CFAP20DC: variants seen among roughly 807,000 people sequenced by gnomAD.
CFAP20DC encodes CFAP20 domain containing, also known as protein CFAP20DC.
In CFAP20DC, 84 loss-of-function variants were observed where a neutral mutation model predicts 101.7. The ratio of observed to expected loss-of-function variants is 0.83; its 90% CI spans 0.69 to 0.99. The LOEUF is 0.99. Among genes scored for constraint, CFAP20DC ranks in the 50% least tolerant of loss-of-function variants. CFAP20DC has a pLI of 0.00. For synonymous variants in CFAP20DC, 359 were observed against 351.2 expected, an observed-to-expected ratio of 1.02 and a Z score of -0.25; for missense variants, 1,007 against 970.3, an observed-to-expected ratio of 1.04 and a Z score of -0.50.
intron 15 of CFAP20DC, among the ~76,000 whole-genome samples, chr3:58,773,680 T>C (rs7612944): frequency 0.034 from 5,255 of 152,334 alleles, 129 homozygotes; most frequent in Non-Finnish European, 0.055. Context: ...AACAGTTACT[T>C]TATCTAATGC....
chr3:59,025,871 T>C (rs1279317423), intron 4 of CFAP20DC, among the ~76,000 whole-genome samples: 2 of 152,156 alleles, frequency 1.3e-5, no homozygotes, highest in African/African-American at 4.8e-5. Context: ...TGAACATGCA[T>C]CTAGTTTGTT....
chr3:58,953,649 A>C (rs1394480094), intron 4 of CFAP20DC: 1 of 152,192 alleles, frequency 6.6e-6, no homozygotes, highest in Non-Finnish European at 1.5e-5. Flanking sequence ...AAAAATTAAA[A>C]TTAGTCATTC....
At chr3:58,942,654 G>C (rs1019032252) in intron 4 of CFAP20DC, among the ~76,000 whole-genome samples, 2 of 152,178 alleles carry the variant, frequency 1.3e-5, no homozygotes, top group Admixed American at 6.5e-5. Context: ...CAGCTGTTTG[G>C]GCAGACATCG....
intron 4 of CFAP20DC, among the ~76,000 whole-genome samples, chr3:58,950,501 C>T (rs2089976551): frequency 6.6e-6 from 1 of 151,990 alleles, no homozygotes. Flanking sequence ...TGCTACCTGA[C>T]TTCAAACTAC....
At chr3:58,798,959 C>T (rs933236150) in intron 15 of CFAP20DC, among the ~76,000 whole-genome samples, 1 of 152,172 alleles carries the variant, frequency 6.6e-6, no homozygotes, top group Non-Finnish European at 1.5e-5. Flanking sequence ...AGAATAGTAA[C>T]ATAACTTTTA....
downstream of CFAP20DC, among the ~76,000 whole-genome samples, chr3:58,740,177 G>A (rs1390042016): frequency 6.6e-6 from 1 of 152,148 alleles, no homozygotes; most frequent in Non-Finnish European, 1.5e-5. The surrounding 1 kb of genome is among the most constrained non-coding windows in gnomAD (Gnocchi z 4.6). Flanking sequence ...AGAGAAAAGA[G>A]AGAAGAGAGA....
chr3:58,941,331 A>G (rs2088548637), intron 4 of CFAP20DC, among the ~76,000 whole-genome samples: 1 of 148,302 alleles, frequency 6.7e-6, no homozygotes, highest in Non-Finnish European at 1.5e-5. Context: ...CCGTCTCAAA[A>G]AAAAAAAAAA....
In CFAP20DC at chr3:58,912,873, C is replaced by G. The variant is rs1303455204; in HGVS notation, c.550+835G>C. On this transcript the variant is annotated intron_variant, in intron 6 of 16. Transcript: ENST00000482387. The surrounding 1 kb of genome is among the most constrained non-coding windows in gnomAD (Gnocchi z 4.4). The stretch of plus-strand genomic sequence containing the variant: ...ACTAGAAAATTAATATGATTTCTCC[C>G]AAATGACTTCCTGAAATGTACACAG... 1 of 394,580 alleles carries G rather than the reference C, an allele frequency of 2.5e-6. No individual in the cohort carries two copies. The highest frequency in any genetic ancestry group is 5.0e-6 in the Non-Finnish European group (1 of 201,914). 24.4% of individuals were successfully genotyped at this position (394,580 alleles called of 1,614,324 possible).
chr3:58,934,306 G>C (rs1369925725), intron 5 of CFAP20DC, among the ~76,000 whole-genome samples: 1 of 152,116 alleles, frequency 6.6e-6, no homozygotes, highest in Non-Finnish European at 1.5e-5. Flanking sequence ...AAAGAGTCCA[G>C]GACCAGATGG....
chr3:58,792,485 A>T (rs980620871), intron 15 of CFAP20DC, among the ~76,000 whole-genome samples: 1 of 152,140 alleles, frequency 6.6e-6, no homozygotes, highest in African/African-American at 2.4e-5. Context: ...TTATTCTGAA[A>T]ATCCTTGGCA....
intron 7 of CFAP20DC, among the ~76,000 whole-genome samples, chr3:58,884,004 T>C (rs551267403): frequency 1.3e-5 from 2 of 152,200 alleles, no homozygotes; most frequent in East Asian, 3.9e-4. Flanking sequence ...TAAAAAAAAT[T>C]TCAGACAATG....
chr3:58,962,179 T>C (rs755116878), intron 4 of CFAP20DC, among the ~76,000 whole-genome samples: 5 of 152,212 alleles, frequency 3.3e-5, no homozygotes, highest in Admixed American at 6.5e-5. Flanking sequence ...AACCACTACT[T>C]TGGCTACATT....
intron 4 of CFAP20DC, among the ~76,000 whole-genome samples, chr3:58,980,498 T>A (rs922820178): frequency 1.3e-5 from 2 of 152,140 alleles, no homozygotes; most frequent in Non-Finnish European, 2.9e-5. Flanking sequence ...ATCAAAAAGC[T>A]TATCCACCAT....
rs965205073 is a variant in CFAP20DC at position 58,722,518 on chromosome 3, C to G, written c.198-4890G>C. On this transcript the variant is annotated intron_variant, in intron 3 of 3. Transcript: ENST00000486145. This position sits in a 1 kb window ranked among gnomAD's most constrained non-coding sequence, Gnocchi z 4.5. Reference sequence around the variant, plus strand: ...GAACTCAGAGGTTCTGTTTAAAGGACTCTAATTCTCTCTCGTGATGGAGTA... The same window carrying G: ...GAACTCAGAGGTTCTGTTTAAAGGAGTCTAATTCTCTCTCGTGATGGAGTA... 3.3e-5 allele frequency among the ~76,000 whole-genome samples: 5 copies of G among 152,172 alleles called. No homozygotes were observed. Among genetic ancestry groups the G allele is most frequent in the Admixed American group, 1.3e-4 (2 of 15,264 alleles).
chr3:58,769,141 A>G (rs1457880889), intron 15 of CFAP20DC, among the ~76,000 whole-genome samples: 1 of 152,178 alleles, frequency 6.6e-6, no homozygotes, highest in Non-Finnish European at 1.5e-5. Flanking sequence ...CCCTGGGCCG[A>G]ATTTTGCAGT....
At chr3:58,979,901 C>A (rs2092450931) in intron 4 of CFAP20DC, among the ~76,000 whole-genome samples, 1 of 151,332 alleles carries the variant, frequency 6.6e-6, no homozygotes. Flanking sequence ...ATATCCTGGA[C>A]AGCAAATAGG....
chr3:58,982,725 G>T (rs2092610444), intron 4 of CFAP20DC, among the ~76,000 whole-genome samples: 1 of 104,118 alleles, frequency 9.6e-6, no homozygotes, highest in Non-Finnish European at 1.8e-5. Context: ...GGGGAGGGGG[G>T]AGGGATAGCA....
Position 59,007,310 on chromosome 3 carries a change from C to T in CFAP20DC, c.278+32247G>A, listed in dbSNP as rs936667029. Among the ~76,000 whole-genome samples, 3 of 152,140 alleles carry T rather than the reference C, an allele frequency of 2.0e-5. No individual in the cohort carries two copies. Among genetic ancestry groups the T allele is most frequent in the Non-Finnish European group, 1.5e-5 (1 of 68,028 alleles). On this transcript the variant is annotated intron_variant, in intron 4 of 16. Transcript: ENST00000482387. This position sits in a 1 kb window ranked among gnomAD's most constrained non-coding sequence, Gnocchi z 4.4. The stretch of plus-strand genomic sequence containing the variant: ...ACTCTTGGGAGCTTTGTGGCTCTGC[C>T]CATCACCTAAGAAACCAGAATACTT...
rs1682904729 is a variant in CFAP20DC, at chr3:58,899,232, G to A, written c.550+14476C>T. ...TCTAGTAGTGCAGCTGTGCTGCGTT[G>A]TGGGAGACCCTTCCTTGTCCAGGCT... On this transcript the variant is annotated intron_variant, in intron 6 of 16. Transcript: ENST00000482387. The surrounding 1 kb of genome is among the most constrained non-coding windows in gnomAD (Gnocchi z 5.0). 2.0e-5 allele frequency among the ~76,000 whole-genome samples: 3 copies of A among 152,226 alleles called. No individual in the cohort carries two copies. The South Asian group carries it at 6.2e-4, about 31-fold the overall frequency.
Sources: gnomAD v4.1 joint callset for allele counts (sites outside exome capture counted in the v4.1 genomes callset) on GRCh38, gnomAD v4.1.1 for gene constraint, Gnocchi (gnomAD v3.1) non-coding constraint, MANE v1.5 for transcripts, NCBI Gene and HGNC (gene_info 2026-07-23, HGNC 2026-07-21) for gene names.